The following SGCG variants were observed in gnomAD, a reference collection of about 807,000 sequenced individuals.
SGCG encodes gamma-sarcoglycan.
Under a neutral mutation model 29.3 loss-of-function variants are expected in SGCG, and 26 were observed. The ratio of observed to expected loss-of-function variants is 0.89; its 90% confidence interval spans 0.65 to 1.23. The LOEUF is 1.23. Among genes scored for constraint, SGCG ranks in the 50% most tolerant of loss-of-function variants. The pLI, the probability that SGCG is intolerant of heterozygous loss-of-function variation, is 0.00. For synonymous variants in SGCG, 145 were observed against 129.7 expected (o/e 1.12, Z -0.80); for missense variants, 353 against 356.0 (o/e 0.99, Z 0.07).
At chr13:23,295,079 T>A (rs566505622) in intron 5 of SGCG, among the ~76,000 whole-genome samples, 2 of 152,236 alleles carry the variant, frequency 1.3e-5, no homozygotes, top group Admixed American at 1.3e-4. Flanking sequence ...AAATTACTAT[T>A]ACTTAAAATA....
At chr13:23,292,119 C>CTTTTTTTTT (rs71100167) in intron 5 of SGCG, among the ~76,000 whole-genome samples, 10 of 147,458 alleles carry the variant, frequency 6.8e-5, no homozygotes, top group Admixed American at 2.7e-4. Flanking sequence ...ACATTTCTTT[C>CTTTTTTTTT]TTTTTTTTGA....
rs997670664 is a variant in SGCG, at chr13:23,317,053, G to A, written c.579-3584G>A. Among the ~76,000 whole-genome samples, 10 of 152,226 alleles carry A rather than the reference G, an allele frequency of 6.6e-5. 1 individual carries two copies. In the South Asian group the frequency reaches 2.1e-3, roughly 32 times the overall value. On this transcript the variant is annotated intron_variant, in intron 6 of 7. Coordinates refer to ENST00000218867, the MANE Select transcript of SGCG (RefSeq NM_000231.3). ...AAGCTGTCTCTACCAAGATTAGCCG[G>A]GCATGGTGGTAGGCACCTATAGTCC...
chr13:23,250,563 C>T, intron 3 of SGCG, 67 bp from the exon 4 acceptor site: 1 of 786,258 alleles, frequency 1.3e-6, no homozygotes, highest in African/African-American at 1.7e-5. Flanking sequence ...TAAATTTACA[C>T]AGAATTATAA....
intron 4 of SGCG, among the ~76,000 whole-genome samples, chr13:23,266,343 C>T (rs919131502): frequency 5.3e-5 from 8 of 151,336 alleles, no homozygotes; most frequent in Non-Finnish European, 2.9e-5. Context: ...ATATATACAC[C>T]ATGGAAATAT....
At chr13:23,187,674 G>A (rs928225843) in intron 1 of SGCG, among the ~76,000 whole-genome samples, 1 of 152,168 alleles carries the variant, frequency 6.6e-6, no homozygotes, top group African/African-American at 2.4e-5. Context: ...CCTCGCACAT[G>A]TTCCCTCTGC....
the SGCG span, among the ~76,000 whole-genome samples, chr13:23,174,003 A>T: frequency 6.6e-6 from 1 of 152,238 alleles, no homozygotes; most frequent in Non-Finnish European, 1.5e-5. Context: ...ATTTCAATCC[A>T]GAATTCTATG....
In SGCG at chr13:23,181,020, G is replaced by A. The variant is rs540247673; in HGVS notation, c.-56G>A. 5 of 148,550 alleles carry A rather than the reference G, an allele frequency of 3.4e-5. No individual in the cohort carries two copies. Among genetic ancestry groups the A allele is most frequent in the Non-Finnish European group, 7.5e-5 (5 of 66,850 alleles). 9.2% of individuals were successfully genotyped at this position (148,550 alleles called of 1,614,324 possible). On this transcript the variant is annotated 5_prime_UTR_variant, in exon 1 of 8. Transcript: ENST00000218867. ...AAAAGTTTGAAACATTCTGTCTGTGGTAGAGCTCGGGCCAGCTGTAGTTCA... is the reference window on the plus strand; with the variant it reads ...AAAAGTTTGAAACATTCTGTCTGTGATAGAGCTCGGGCCAGCTGTAGTTCA...
At chr13:23,233,350 G>GT (rs1267976907) in intron 2 of SGCG, among the ~76,000 whole-genome samples, 1 of 152,064 alleles carries the variant, frequency 6.6e-6, no homozygotes, top group Non-Finnish European at 1.5e-5. Context: ...ACTTACATAA[G>GT]GTACTTAGAA....
chr13:23,205,057 A>G (rs1877934684), intron 2 of SGCG, among the ~76,000 whole-genome samples: 1 of 152,040 alleles, frequency 6.6e-6, no homozygotes, highest in Admixed American at 6.6e-5. Context: ...ATCAATATAG[A>G]TATATGATAT....
In SGCG at chr13:23,319,026, G is replaced by A. The variant is rs981206220; in HGVS notation, c.579-1611G>A. ...TCAAAATAGCAAACTGGGGCCAGGC[G>A]TGGTGGCTCACGCCTGTAATCCCAG... On this transcript the variant is annotated intron_variant, in intron 6 of 7. Transcript: ENST00000218867. Among the ~76,000 whole-genome samples the A allele has an allele frequency of 3.9e-5, 6 of 152,152 alleles. No individual in the cohort carries two copies. The South Asian group carries it at 6.2e-4, about 16-fold the overall frequency.
intron 1 of SGCG, among the ~76,000 whole-genome samples, chr13:23,191,854 G>A (rs4581566): frequency 0.34 from 52,195 of 152,012 alleles, 10,714 homozygotes; most frequent in East Asian, 0.58. Flanking sequence ...TATATGCTAG[G>A]AAACAGAGTA....
At chr13:23,265,513 G>A (rs1450890731) in intron 4 of SGCG, among the ~76,000 whole-genome samples, 1 of 152,178 alleles carries the variant, frequency 6.6e-6, no homozygotes, top group African/African-American at 2.4e-5. Flanking sequence ...GGGAGGTGGA[G>A]GTTGCAGTGA....
chr13:23,193,438 G>C (rs988198923), intron 1 of SGCG, among the ~76,000 whole-genome samples: 1 of 152,188 alleles, frequency 6.6e-6, no homozygotes, highest in African/African-American at 2.4e-5. Flanking sequence ...GAGTGGAGCA[G>C]GGGCAGTGCA....
At chr13:23,267,236 A>G (rs541735341) in intron 4 of SGCG, among the ~76,000 whole-genome samples, 4 of 152,320 alleles carry the variant, frequency 2.6e-5, no homozygotes, top group African/African-American at 9.6e-5. Flanking sequence ...GGCTGCAGCT[A>G]ATTTGTCCCA....
intron 6 of SGCG, among the ~76,000 whole-genome samples, chr13:23,318,587 G>A (rs561209290): frequency 1.3e-5 from 2 of 152,172 alleles, no homozygotes; most frequent in South Asian, 2.1e-4. Context: ...TCAGAAAAGA[G>A]GGTAAACTAA....
intron 3 of SGCG, among the ~76,000 whole-genome samples, chr13:23,236,340 C>A (rs1156489104): frequency 6.6e-6 from 1 of 152,160 alleles, no homozygotes. Context: ...TGACTGAAAT[C>A]AGGTGACTAG....
chr13:23,171,989 C>T, the SGCG span, among the ~76,000 whole-genome samples: 2 of 152,198 alleles, frequency 1.3e-5, no homozygotes, highest in East Asian at 3.9e-4. Flanking sequence ...GAGACCCATA[C>T]CGTATAATTG....
chr13:23,177,427 G>A (rs530643042), upstream of SGCG, among the ~76,000 whole-genome samples: 57 of 151,948 alleles, frequency 3.8e-4, no homozygotes, highest in Non-Finnish European at 4.7e-4. Context: ...AGGATAAATC[G>A]GGATAAAAAA....
rs574786958 is a variant in SGCG at position 23,191,282 on chromosome 13, C to T, written c.-1+10207C>T. The stretch of plus-strand genomic sequence containing the variant: ...AGAAACTATGAATAAATCTTCTACA[C>T]CATCTTCCCGAGAGCTTTAGTAAGA... On this transcript the variant is annotated intron_variant, in intron 1 of 7. Coordinates refer to ENST00000218867, the MANE Select transcript of SGCG (RefSeq NM_000231.3). Among the ~76,000 whole-genome samples, 287 of 115,074 alleles carry T rather than the reference C, an allele frequency of 2.5e-3. 2 individuals carry two copies. Among genetic ancestry groups the T allele is most frequent in the Admixed American group, 3.6e-3 (44 of 12,178 alleles). 75.5% of individuals were successfully genotyped at this position (115,074 alleles called of 152,430 possible). A position where few individuals can be genotyped will look rare whatever the true frequency, so the allele number is the denominator to read the frequency against.
Sources: allele counts gnomAD v4.1 joint callset (sites outside exome capture counted in the v4.1 genomes callset), GRCh38; gene constraint gnomAD v4.1.1; transcripts MANE v1.5; gene names NCBI Gene and HGNC (gene_info 2026-07-23, HGNC 2026-07-21).